CHCHD6: variants seen among roughly 807,000 people sequenced by gnomAD.
The protein encoded by CHCHD6 is coiled-coil-helix-coiled-coil-helix domain containing 6.
A neutral mutation model predicts 32.3 loss-of-function variants in CHCHD6; 28 were observed. The ratio of observed to expected loss-of-function variants is 0.87; its 90% CI spans 0.64 to 1.19. CHCHD6 has a LOEUF of 1.19. Ranked by LOEUF, CHCHD6 falls within the 50% of genes most tolerant of loss-of-function variation. The probability of loss-of-function intolerance (pLI) is 0.00; values close to 1 mark genes in which losing one functional copy is unlikely to be tolerated. For synonymous variants in CHCHD6, 122 were observed against 117.5 expected (o/e 1.04, Z -0.25); for missense variants, 333 against 307.0 (o/e 1.08, Z -0.63).
chr3:126,706,679 A>T (rs903645446), intron 1 of CHCHD6, among the ~76,000 whole-genome samples: 1 of 151,982 alleles, frequency 6.6e-6, no homozygotes, highest in African/African-American at 2.4e-5. Context: ...GAAAGAGGAA[A>T]ACTGAAGAAA....
chr3:126,914,885 C>G, intron 6 of CHCHD6, 135 bp downstream of exon 6: 1 of 663,356 alleles, frequency 1.5e-6, no homozygotes, highest in Non-Finnish European at 2.7e-6. Flanking sequence ...TTCCTCAGCT[C>G]TCTCACCTGG....
chr3:126,882,830 T>C (rs1051606734), intron 5 of CHCHD6, among the ~76,000 whole-genome samples: 1 of 152,206 alleles, frequency 6.6e-6, no homozygotes, highest in African/African-American at 2.4e-5. Context: ...TTTTCTGGCG[T>C]ACAACTCCTG....
intron 4 of CHCHD6, among the ~76,000 whole-genome samples, chr3:126,768,280 C>T (rs573084005): frequency 2.4e-4 from 36 of 152,244 alleles, no homozygotes; most frequent in African/African-American, 7.0e-4. Context: ...CTCTCTCTCT[C>T]GCTCCTGCTT....
At chr3:126,816,811 C>T (rs955915897) in intron 4 of CHCHD6, among the ~76,000 whole-genome samples, 4 of 152,006 alleles carry the variant, frequency 2.6e-5, no homozygotes, top group South Asian at 2.1e-4. Flanking sequence ...GTGCTGCACC[C>T]GTTAACTCGT....
At chr3:126,918,982 G>A (rs2078207297) in intron 6 of CHCHD6, among the ~76,000 whole-genome samples, 1 of 152,094 alleles carries the variant, frequency 6.6e-6, no homozygotes, top group South Asian at 2.1e-4. Context: ...TTCAAAGTAT[G>A]TTGTTTAATT....
At chr3:126,941,548 A>G (rs2078559248) in intron 6 of CHCHD6, among the ~76,000 whole-genome samples, 2 of 152,322 alleles carry the variant, frequency 1.3e-5, no homozygotes, top group Admixed American at 6.5e-5. Context: ...GAAAATCTAG[A>G]TAGACTCTTT....
chr3:126,813,929 G>T (rs1006204202), intron 4 of CHCHD6, among the ~76,000 whole-genome samples: 1 of 152,168 alleles, frequency 6.6e-6, no homozygotes, highest in Non-Finnish European at 1.5e-5. Flanking sequence ...TTCTCATCCA[G>T]ATGGGAGAAT....
chr3:126,874,929 C>T (rs531047670), intron 5 of CHCHD6, among the ~76,000 whole-genome samples: 1 of 152,314 alleles, frequency 6.6e-6, no homozygotes, highest in South Asian at 2.1e-4. Context: ...CAGAATGGAC[C>T]TGCTTCTGCC....
intron 1 of CHCHD6, among the ~76,000 whole-genome samples, chr3:126,706,913 T>C (rs984773256): frequency 5.3e-5 from 8 of 152,214 alleles, no homozygotes; most frequent in African/African-American, 1.9e-4. Context: ...ATATTCTTAA[T>C]GACCATTTGT....
chr3:126,846,724 G>A (rs1189775008), intron 4 of CHCHD6, among the ~76,000 whole-genome samples: 3 of 152,164 alleles, frequency 2.0e-5, no homozygotes, highest in African/African-American at 7.2e-5. Context: ...ATTAATCATA[G>A]TTATTTAAAG....
chr3:126,744,549 C>T (rs1559818380), intron 4 of CHCHD6, among the ~76,000 whole-genome samples: 2 of 152,294 alleles, frequency 1.3e-5, no homozygotes, highest in East Asian at 3.9e-4. Flanking sequence ...CTAGGAGGAG[C>T]TTTCGCTGTG....
chr3:126,918,833 T>G (rs2078205393), intron 6 of CHCHD6, among the ~76,000 whole-genome samples: 1 of 152,260 alleles, frequency 6.6e-6, no homozygotes, highest in Non-Finnish European at 1.5e-5. Flanking sequence ...TTTATTTATC[T>G]TCTAATGTAT....
intron 1 of CHCHD6, among the ~76,000 whole-genome samples, chr3:126,724,131 AC>A (rs1288439486): frequency 1.3e-5 from 2 of 152,196 alleles, no homozygotes; most frequent in Non-Finnish European, 2.9e-5. Context: ...CTGGAGGTGT[AC>A]AGAGATGAGT....
chr3:126,805,323 T>G (rs972783456), intron 4 of CHCHD6, among the ~76,000 whole-genome samples: 2 of 152,146 alleles, frequency 1.3e-5, no homozygotes. Context: ...GCCCAAAATC[T>G]CCTTAAGCTG....
intron 5 of CHCHD6, among the ~76,000 whole-genome samples, chr3:126,865,068 T>TCTTCCTCCTCCTCCTCCTCCTCCA (rs1942222759): frequency 1.5e-5 from 1 of 68,116 alleles, no homozygotes; most frequent in Non-Finnish European, 3.6e-5. Context: ...CTCCTCCTTT[T>TCTTCCTCCTCCTCCTCCTCCTCCA]CCACCACCTC....
At chr3:126,705,357 C>T (rs551434381) in intron 1 of CHCHD6, among the ~76,000 whole-genome samples, 15 of 152,286 alleles carry the variant, frequency 9.8e-5, no homozygotes, top group Non-Finnish European at 1.9e-4. Context: ...TCCCCAGAAC[C>T]CAGAAGAATA....
chr3:126,710,714 C>T (rs548358077), intron 1 of CHCHD6, among the ~76,000 whole-genome samples: 21 of 152,142 alleles, frequency 1.4e-4, no homozygotes, highest in African/African-American at 5.1e-4. Context: ...TGTTTTCTTA[C>T]TTTTATTTTT....
chr3:126,825,747 C>A (rs78707868), intron 4 of CHCHD6, among the ~76,000 whole-genome samples: 8,630 of 152,206 alleles, frequency 0.057, 322 homozygotes, highest in Non-Finnish European at 0.089. Context: ...GTATCATTTT[C>A]CATCCTTTTT....
intron 4 of CHCHD6, among the ~76,000 whole-genome samples, chr3:126,811,976 T>A (rs1939673857): frequency 6.6e-6 from 1 of 152,184 alleles, no homozygotes; most frequent in Non-Finnish European, 1.5e-5. Context: ...GCAAATGAAT[T>A]TCCATCTCTA....
Sources: allele counts gnomAD v4.1 joint callset (sites outside exome capture counted in the v4.1 genomes callset), GRCh38; gene constraint gnomAD v4.1.1; transcripts MANE v1.5; gene names NCBI Gene and HGNC (gene_info 2026-07-23, HGNC 2026-07-21).